ARID1B: variants seen among roughly 807,000 people sequenced by gnomAD.
ARID1B encodes AT-rich interaction domain 1B, also known as AT-rich interactive domain-containing protein 1B.
Under a neutral mutation model 212.3 loss-of-function variants are expected in ARID1B, and 30 were observed. The ratio of observed to expected loss-of-function variants is 0.14; its 90% CI spans 0.11 to 0.19. The LOEUF (loss-of-function observed/expected upper bound fraction) is 0.19. ARID1B is among the 10% of genes least tolerant of loss of function. ARID1B has a pLI of 1.00. For synonymous variants in ARID1B, 1,402 were observed against 1,301.7 expected, an observed-to-expected ratio of 1.08 and a Z score of -1.66; for missense variants, 2,891 against 3,204.0, an observed-to-expected ratio of 0.90 and a Z score of 2.36.
At chr6:157,120,935 G>A (rs17088149) in intron 6 of ARID1B, among the ~76,000 whole-genome samples, 16,017 of 152,170 alleles carry the variant, frequency 0.11, 1,406 homozygotes, top group East Asian at 0.42. Flanking sequence ...GCCTGGCCAC[G>A]CACGCTTTCT....
At chr6:156,966,715 G>A (rs1375099265) in intron 4 of ARID1B, among the ~76,000 whole-genome samples, 1 of 144,294 alleles carries the variant, frequency 6.9e-6, no homozygotes, top group African/African-American at 2.6e-5. Flanking sequence ...TTGTTTTTTT[G>A]CTTTGAGACG....
chr6:156,951,432 A>G (rs1793578571), intron 4 of ARID1B, among the ~76,000 whole-genome samples: 2 of 152,006 alleles, frequency 1.3e-5, no homozygotes, highest in African/African-American at 4.8e-5. Context: ...AAAACACTTC[A>G]TTTATTTTCT....
At chr6:156,887,221 T>C (rs867947790) in intron 2 of ARID1B, among the ~76,000 whole-genome samples, 15 of 152,122 alleles carry the variant, frequency 9.9e-5, no homozygotes, top group African/African-American at 3.6e-4. Flanking sequence ...GTGTGCAGCC[T>C]CCTCTCGGGA....
At chr6:157,033,781 G>A (rs762073386) in intron 4 of ARID1B, among the ~76,000 whole-genome samples, 3 of 152,156 alleles carry the variant, frequency 2.0e-5, no homozygotes, top group Non-Finnish European at 4.4e-5. Flanking sequence ...ATCCTTTTAG[G>A]CACTTGTGTT....
In ARID1B at chr6:157,032,092, C is replaced by T. The variant is rs137968236; in HGVS notation, c.2248-52570C>T. On this transcript the variant is annotated intron_variant, in intron 4 of 19. Coordinates refer to ENST00000636930, the MANE Select transcript of ARID1B (RefSeq NM_001374828.1). ...GATTACAGGTGTGAGCCACCACGCC[C>T]GGCCCAAAATGAATATTTTTTAAAA... 5.4e-3 allele frequency among the ~76,000 whole-genome samples: 820 copies of T among 152,280 alleles called. 7 individuals are homozygous for T. The highest frequency in any genetic ancestry group is 0.019 in the African/African-American group (781 of 41,554).
chr6:157,152,076 G>T (rs1790238546), intron 8 of ARID1B: 1 of 152,148 alleles, frequency 6.6e-6, no homozygotes, highest in African/African-American at 2.4e-5. Context: ...CTTTCTTGTG[G>T]TACCTTCAAG....
chr6:156,847,255 T>C (rs1784292776), intron 2 of ARID1B, among the ~76,000 whole-genome samples: 1 of 152,194 alleles, frequency 6.6e-6, no homozygotes, highest in African/African-American at 2.4e-5. Context: ...ATTGGTAGAC[T>C]AAGAATAAAC....
At chr6:156,862,438 G>T (rs12198740) in intron 2 of ARID1B, among the ~76,000 whole-genome samples, 42,034 of 152,052 alleles carry the variant, frequency 0.28, 5,919 homozygotes, top group Non-Finnish European at 0.31. Flanking sequence ...CTTAAGGGGG[G>T]TATATGGCGA....
At chr6:156,989,721 G>A (rs1277516449) in intron 4 of ARID1B, among the ~76,000 whole-genome samples, 1 of 152,176 alleles carries the variant, frequency 6.6e-6, no homozygotes, top group Non-Finnish European at 1.5e-5. Flanking sequence ...ATTGAAATTA[G>A]CAATGTTTGC....
At chr6:157,023,088 T>C (rs962221765) in intron 4 of ARID1B, 13 of 152,264 alleles carry the variant, frequency 8.5e-5, no homozygotes, top group African/African-American at 3.1e-4. Context: ...TTGATCATTG[T>C]TGTTAACTGA....
intron 4 of ARID1B, among the ~76,000 whole-genome samples, chr6:157,009,778 A>G (rs906506348): frequency 4.6e-5 from 7 of 152,220 alleles, no homozygotes; most frequent in Non-Finnish European, 2.9e-5. Context: ...AGTTACTTCT[A>G]TGGCACCTGT....
At chr6:156,886,232 G>A (rs374067291) in intron 2 of ARID1B, among the ~76,000 whole-genome samples, 3 of 151,974 alleles carry the variant, frequency 2.0e-5, no homozygotes, top group Non-Finnish European at 4.4e-5. Context: ...TGTTCTTGTC[G>A]CCCAGGCTGG....
At chr6:156,929,577 C>T (rs11961989) in intron 3 of ARID1B, among the ~76,000 whole-genome samples, 11 of 152,188 alleles carry the variant, frequency 7.2e-5, no homozygotes, top group Admixed American at 1.3e-4. Context: ...CTACTCAAAT[C>T]GTCATTCATT....
At chr6:156,959,459 G>A (rs935064296) in intron 4 of ARID1B, among the ~76,000 whole-genome samples, 7 of 152,028 alleles carry the variant, frequency 4.6e-5, no homozygotes, top group African/African-American at 1.7e-4. Flanking sequence ...TATTGGTGGA[G>A]TCTGCTGACA....
At chr6:156,929,256 C>T (rs1485136777) in intron 3 of ARID1B, among the ~76,000 whole-genome samples, 1 of 152,198 alleles carries the variant, frequency 6.6e-6, no homozygotes, top group Non-Finnish European at 1.5e-5. Context: ...AAGGGCTGAG[C>T]ATGCCATCCT....
At chr6:156,921,472 C>A (rs955868867) in intron 3 of ARID1B, among the ~76,000 whole-genome samples, 3 of 148,888 alleles carry the variant, frequency 2.0e-5, no homozygotes, top group Non-Finnish European at 3.0e-5. Flanking sequence ...CACACACACA[C>A]ACACACACAC....
chr6:156,818,889 TATTCTGGA>T (rs904062411), intron 1 of ARID1B, among the ~76,000 whole-genome samples: 10 of 152,092 alleles, frequency 6.6e-5, no homozygotes, highest in Non-Finnish European at 1.3e-4. Flanking sequence ...CCTCATTGAT[TATTCTGGA>T]ATTATACCTC....
chr6:157,050,808 G>A (rs1782550669), intron 4 of ARID1B, among the ~76,000 whole-genome samples: 1 of 152,154 alleles, frequency 6.6e-6, no homozygotes, highest in Non-Finnish European at 1.5e-5. Flanking sequence ...CTATGTAATA[G>A]TATGTGCAAA....
At chr6:156,792,959 A>G (rs1355455068) in intron 1 of ARID1B, among the ~76,000 whole-genome samples, 1 of 152,154 alleles carries the variant, frequency 6.6e-6, no homozygotes, top group Non-Finnish European at 1.5e-5. Flanking sequence ...AAATGAGGAC[A>G]ATGAAAAAAA....
Sources: gnomAD v4.1 joint callset for allele counts (sites outside exome capture counted in the v4.1 genomes callset) on GRCh38, gnomAD v4.1.1 for gene constraint, MANE v1.5 for transcripts, NCBI Gene and HGNC (gene_info 2026-07-23, HGNC 2026-07-21) for gene names.